FAM241A: variants seen among roughly 807,000 people sequenced by gnomAD.
FAM241A encodes the protein uncharacterized protein FAM241A.
In FAM241A, 7 loss-of-function variants were observed where a neutral mutation model predicts 12.2. The observed-to-expected ratio is 0.58, with a 90% CI of 0.33 to 1.08. FAM241A has a LOEUF of 1.08. FAM241A is among the 50% of genes least tolerant of loss of function. The pLI, the probability that FAM241A is intolerant of heterozygous loss-of-function variation, is 0.04. For synonymous variants in FAM241A, 74 were observed against 68.2 expected, an observed-to-expected ratio of 1.08 and a Z score of -0.42; for missense variants, 161 against 169.7, an observed-to-expected ratio of 0.95 and a Z score of 0.29.
At chr4:112,171,261 G>A in intron 1 of FAM241A, 1 of 749,346 alleles carries the variant, frequency 1.3e-6, no homozygotes, top group Non-Finnish European at 2.4e-6. Flanking sequence ...TACGAAGTGT[G>A]GCAAGCACCA....
At chr4:112,183,645 A>C (rs575466384) in intron 1 of FAM241A, among the ~76,000 whole-genome samples, 33 of 152,220 alleles carry the variant, frequency 2.2e-4, no homozygotes, top group Non-Finnish European at 3.1e-4. Flanking sequence ...AACAAAAAAA[A>C]CCCCAAAGTA....
At chr4:112,164,748 C>G (rs1243374388) in intron 1 of FAM241A, among the ~76,000 whole-genome samples, 1 of 152,164 alleles carries the variant, frequency 6.6e-6, no homozygotes, top group Non-Finnish European at 1.5e-5. Context: ...GCTCAAACAA[C>G]TCTATAGGAA....
chr4:112,181,650 C>T (rs1216591232), intron 1 of FAM241A, among the ~76,000 whole-genome samples: 3 of 152,052 alleles, frequency 2.0e-5, no homozygotes, highest in African/African-American at 7.2e-5. Context: ...TAAGCTAAGA[C>T]CAAAAGGAGA....
intron 1 of FAM241A, among the ~76,000 whole-genome samples, chr4:112,172,670 C>G (rs1227505171): frequency 6.6e-6 from 1 of 152,136 alleles, no homozygotes; most frequent in African/African-American, 2.4e-5. Flanking sequence ...TTAACCTCCA[C>G]ACTAGATTGT....
intron 1 of FAM241A, among the ~76,000 whole-genome samples, chr4:112,154,120 A>G (rs1357939319): frequency 6.6e-6 from 1 of 152,180 alleles, no homozygotes; most frequent in Non-Finnish European, 1.5e-5. Context: ...AGGATTTCTT[A>G]TTCCATGAGT....
chr4:112,170,093 C>T lies in FAM241A; in HGVS notation c.154-16600C>T, dbSNP rs113488164. Among the ~76,000 whole-genome samples, 833 of 152,240 alleles carry T rather than the reference C, an allele frequency of 5.5e-3. 6 individuals carry two copies. Among genetic ancestry groups the T allele is most frequent in the African/African-American group, 0.019 (770 of 41,550 alleles). On this transcript the variant is annotated intron_variant, in intron 1 of 1. Transcript: ENST00000309733. ...TCTGAGACTCACTACAAACTAATTTCTTTCTGTCATTCTTCTTCCTTCTTT... is the reference window on the plus strand; with the variant it reads ...TCTGAGACTCACTACAAACTAATTTTTTTCTGTCATTCTTCTTCCTTCTTT...
Position 112,191,565 on chromosome 4 carries a change from A to G in FAM241A, c.*4627A>G, listed in dbSNP as rs1468363617. On this transcript the variant is annotated 3_prime_UTR_variant, in exon 2 of 2. Transcript: ENST00000309733. ...ATTCAACTATACTGAACTTTTCCCC[A>G]GTTCCTTTAAAGAGACATGCTTTCT... 6.6e-6 allele frequency: 1 copy of G among 152,258 alleles called. No homozygotes were observed. The highest frequency in any genetic ancestry group is 1.5e-5 in the Non-Finnish European group (1 of 68,078). 9.4% of individuals were successfully genotyped at this position (152,258 alleles called of 1,614,324 possible). A position where few individuals can be genotyped will look rare whatever the true frequency, so the allele number is the denominator to read the frequency against.
Position 112,181,791 on chromosome 4 carries a change from A to G in FAM241A, c.154-4902A>G, listed in dbSNP as rs137922317. On this transcript the variant is annotated intron_variant, in intron 1 of 1. Transcript: ENST00000309733. ...AAATAAAGACAGGAAGGCTGATGAC[A>G]GAATGAGGCCAGAGACCCAGATAGA... is the stretch of plus-strand genomic sequence containing the variant. Among the ~76,000 whole-genome samples, 693 of 152,366 alleles carry G rather than the reference A, an allele frequency of 4.5e-3. 8 individuals are homozygous for G. Among genetic ancestry groups the G allele is most frequent in the African/African-American group, 0.016 (650 of 41,590 alleles).
intron 1 of FAM241A, among the ~76,000 whole-genome samples, chr4:112,164,470 G>A (rs148294065): frequency 0.01 from 1,542 of 149,278 alleles, 17 homozygotes; most frequent in Non-Finnish European, 0.016. Context: ...AGAGGGGAGG[G>A]ATAGCATTAG....
intron 1 of FAM241A, among the ~76,000 whole-genome samples, chr4:112,172,149 T>C (rs550513690): frequency 2.3e-4 from 35 of 152,246 alleles, no homozygotes; most frequent in Non-Finnish European, 4.3e-4. Context: ...CTCAGTTTCC[T>C]TTATGTTTTG....
chr4:112,169,513 G>A (rs1433535825), intron 1 of FAM241A, among the ~76,000 whole-genome samples: 1 of 152,158 alleles, frequency 6.6e-6, no homozygotes, highest in African/African-American at 2.4e-5. Flanking sequence ...CAACAAAAGA[G>A]TGAGAAAGAT....
Position 112,147,859 on chromosome 4 carries a change from G to A in FAM241A, c.153+2126G>A, listed in dbSNP as rs533914099. On this transcript the variant is annotated intron_variant, in intron 1 of 1. Coordinates refer to ENST00000309733, the MANE Select transcript of FAM241A (RefSeq NM_152400.3). ...GAACAGAACCAAAACTAATTAGCTG[G>A]AAATGAGACAGAGGCCATCTTCCTG... is the stretch of plus-strand genomic sequence containing the variant. 6.6e-5 allele frequency among the ~76,000 whole-genome samples: 10 copies of A among 152,178 alleles called. No individual in the cohort carries two copies. In the South Asian group the frequency reaches 1.9e-3, roughly 28 times the overall value.
intron 1 of FAM241A, among the ~76,000 whole-genome samples, chr4:112,150,311 G>T (rs1434332295): frequency 1.3e-5 from 2 of 151,986 alleles, no homozygotes; most frequent in East Asian, 1.9e-4. Context: ...ATCATATTTT[G>T]TTGGTGGTTT....
intron 1 of FAM241A, among the ~76,000 whole-genome samples, chr4:112,162,168 TAAG>T (rs1239721659): frequency 6.6e-6 from 1 of 152,114 alleles, no homozygotes. Context: ...CTCACAATAA[TAAG>T]AGCTATTTAT....
chr4:112,178,735 A>G (rs900974576), intron 1 of FAM241A, among the ~76,000 whole-genome samples: 1 of 152,196 alleles, frequency 6.6e-6, no homozygotes, highest in African/African-American at 2.4e-5. Flanking sequence ...TCCACAAACT[A>G]TACATCTGAC....
rs1255322979 is a variant in FAM241A, at chr4:112,193,023, T to A, written c.*6085T>A. 1 of 150,182 alleles carries A rather than the reference T, an allele frequency of 6.7e-6. No homozygotes were observed. The highest frequency in any genetic ancestry group is 2.5e-5 in the African/African-American group (1 of 40,302). 9.3% of individuals were successfully genotyped at this position (150,182 alleles called of 1,614,324 possible). A position where few individuals can be genotyped will look rare whatever the true frequency, so the allele number is the denominator to read the frequency against. On this transcript the variant is annotated 3_prime_UTR_variant, in exon 2 of 2. Transcript: ENST00000309733. ...TCCAGCACCTGTTGTTTCCTGACTT[T>A]TTAATGATCGCCATTCTAACTGGTG...
At chr4:112,148,082 C>A (rs1023734323) in intron 1 of FAM241A, among the ~76,000 whole-genome samples, 5 of 152,114 alleles carry the variant, frequency 3.3e-5, no homozygotes, top group African/African-American at 9.7e-5. Context: ...ATGATTTTGT[C>A]AACACCTAAT....
chr4:112,163,952 A>G (rs1357110799), intron 1 of FAM241A, among the ~76,000 whole-genome samples: 1 of 152,250 alleles, frequency 6.6e-6, no homozygotes, highest in Non-Finnish European at 1.5e-5. Context: ...TGATGAGTTC[A>G]TCTCCTTTGT....
chr4:112,145,488 G>A lies in FAM241A; in HGVS notation c.-93G>A. On this transcript the variant is annotated 5_prime_UTR_variant, in exon 1 of 2. Coordinates refer to ENST00000309733, the MANE Select transcript of FAM241A (RefSeq NM_152400.3). ...GCTCCTGTCAGCGGCGGGTGCGGCG[G>A]ATCCCAGGGCAGCCTTCGGGCGGCG... 4 of 1,155,232 alleles carry A rather than the reference G, an allele frequency of 3.5e-6. No homozygotes were observed. The highest frequency in any genetic ancestry group is 4.3e-6 in the Non-Finnish European group (4 of 928,594). 71.6% of individuals were successfully genotyped at this position (1,155,232 alleles called of 1,614,324 possible).
Sources: gnomAD v4.1 joint callset for allele counts (sites outside exome capture counted in the v4.1 genomes callset) on GRCh38, gnomAD v4.1.1 for gene constraint, MANE v1.5 for transcripts, NCBI Gene and HGNC (gene_info 2026-07-23, HGNC 2026-07-21) for gene names.